Variants in TENM2 observed in about 807,000 individuals in gnomAD.
TENM2 encodes the protein teneurin-2.
Under a neutral mutation model 245.2 loss-of-function variants are expected in TENM2, and 52 were observed. That is an observed-to-expected ratio of 0.21 (90% CI 0.17 to 0.27). The LOEUF is 0.27. Ranked by LOEUF, TENM2 falls within the 10% of genes least tolerant of loss-of-function variation. The pLI, the probability that TENM2 is intolerant of heterozygous loss-of-function variation, is 1.00. For synonymous variants in TENM2, 1,363 were observed against 1,438.9 expected (o/e 0.95, Z 1.19); for missense variants, 3,046 against 3,666.8 (o/e 0.83, Z 4.37).
intron 23 of TENM2, among the ~76,000 whole-genome samples, chr5:168,225,568 T>A (rs536580947): frequency 2.0e-5 from 3 of 151,920 alleles, no homozygotes; most frequent in Non-Finnish European, 4.4e-5. Context: ...CGAGACCAGA[T>A]TGGCCAACAT....
intron 4 of TENM2, among the ~76,000 whole-genome samples, chr5:167,960,086 C>G (rs766046780): frequency 1.3e-5 from 2 of 152,210 alleles, no homozygotes; most frequent in African/African-American, 2.4e-5. Context: ...AGAGGGCTAC[C>G]CACCAGATGC....
intron 2 of TENM2, among the ~76,000 whole-genome samples, chr5:167,528,308 C>T (rs1157215569): frequency 6.6e-6 from 1 of 152,028 alleles, no homozygotes; most frequent in Non-Finnish European, 1.5e-5. Context: ...TAGGGATGTG[C>T]AATATTTGGC....
chr5:167,692,604 T>A (rs982782112), intron 2 of TENM2, among the ~76,000 whole-genome samples: 12 of 152,152 alleles, frequency 7.9e-5, no homozygotes, highest in East Asian at 5.8e-4. Flanking sequence ...TGCATGACTT[T>A]AAAAATATAT....
intron 2 of TENM2, among the ~76,000 whole-genome samples, chr5:167,553,073 A>T (rs559884019): frequency 2.0e-5 from 3 of 152,254 alleles, no homozygotes; most frequent in African/African-American, 7.2e-5. Flanking sequence ...TGATAGACAG[A>T]CATGGTTCTA....
At chr5:167,815,232 C>G (rs1177967668) in intron 2 of TENM2, among the ~76,000 whole-genome samples, 2 of 152,096 alleles carry the variant, frequency 1.3e-5, no homozygotes, top group African/African-American at 4.8e-5. Context: ...ATGTGCCTTT[C>G]AGAGAAGGAT....
intron 1 of TENM2, among the ~76,000 whole-genome samples, chr5:167,302,065 G>T (rs1343953295): frequency 2.6e-5 from 4 of 152,126 alleles, no homozygotes; most frequent in African/African-American, 9.7e-5. Context: ...AAAGAAGGAA[G>T]ATTTGGGACA....
At chr5:167,102,874 G>T in the TENM2 span, among the ~76,000 whole-genome samples, 1 of 152,166 alleles carries the variant, frequency 6.6e-6, no homozygotes, top group Non-Finnish European at 1.5e-5. Context: ...TGGCCAGGCT[G>T]GCCTCAAACT....
chr5:167,850,207 G>A (rs1405398192), intron 2 of TENM2, among the ~76,000 whole-genome samples: 1 of 152,136 alleles, frequency 6.6e-6, no homozygotes, highest in East Asian at 1.9e-4. Flanking sequence ...AGGATTTTAG[G>A]AATTGTATGC....
At chr5:167,825,733 T>C (rs1291495645) in intron 2 of TENM2, among the ~76,000 whole-genome samples, 2 of 152,064 alleles carry the variant, frequency 1.3e-5, no homozygotes, top group African/African-American at 2.4e-5. Flanking sequence ...CTGGCTGCCT[T>C]AGTGGCTTTG....
intron 1 of TENM2, among the ~76,000 whole-genome samples, chr5:167,336,382 C>A (rs1757755569): frequency 6.6e-6 from 1 of 151,096 alleles, no homozygotes; most frequent in South Asian, 2.1e-4. Context: ...AAAAAGGCAT[C>A]TCTGGTTCCT....
At chr5:167,147,627 A>G in the TENM2 span, among the ~76,000 whole-genome samples, 1 of 152,190 alleles carries the variant, frequency 6.6e-6, no homozygotes, top group Admixed American at 6.5e-5. Context: ...TGTTTATTAT[A>G]TATACATTGT....
chr5:167,270,447 A>C, the TENM2 span, among the ~76,000 whole-genome samples: 1 of 152,138 alleles, frequency 6.6e-6, no homozygotes, highest in Non-Finnish European at 1.5e-5. Flanking sequence ...AATGCCTTCA[A>C]GGTAGGTATA....
intron 2 of TENM2, among the ~76,000 whole-genome samples, chr5:167,836,198 A>G (rs536500496): frequency 2.2e-4 from 33 of 152,334 alleles, no homozygotes; most frequent in Non-Finnish European, 3.4e-4. Context: ...CTCCAGCCTA[A>G]CTGAGAACCA....
At chr5:167,682,103 TC>T (rs1756758425) in intron 2 of TENM2, among the ~76,000 whole-genome samples, 1 of 68,972 alleles carries the variant, frequency 1.4e-5, no homozygotes, top group South Asian at 5.7e-4. Flanking sequence ...CATCCCTCCC[TC>T]CCTCCCTCCC....
chr5:167,822,749 C>T (rs1165385093), intron 2 of TENM2, among the ~76,000 whole-genome samples: 1 of 152,002 alleles, frequency 6.6e-6, no homozygotes, highest in Non-Finnish European at 1.5e-5. Flanking sequence ...AAAACAACAA[C>T]ACATTAGGCA....
chr5:168,095,814 A>C (rs1036046426), intron 8 of TENM2, among the ~76,000 whole-genome samples: 1 of 152,188 alleles, frequency 6.6e-6, no homozygotes, highest in Non-Finnish European at 1.5e-5. Context: ...CATGGATGCC[A>C]TCAGAAGACA....
chr5:167,016,277 CAAACAA>C, the TENM2 span, among the ~76,000 whole-genome samples: 40 of 82,210 alleles, frequency 4.9e-4, no homozygotes, highest in South Asian at 0.017. Flanking sequence ...AACAAACAAA[CAAACAA>C]AAAAAAAAAA....
chr5:167,168,022 A>G, the TENM2 span, among the ~76,000 whole-genome samples: 1 of 152,162 alleles, frequency 6.6e-6, no homozygotes, highest in Non-Finnish European at 1.5e-5. Flanking sequence ...TTGGGTATTT[A>G]CTCATCAGAC....
intron 13 of TENM2, among the ~76,000 whole-genome samples, chr5:168,190,012 G>A (rs760253086): frequency 6.6e-5 from 10 of 152,230 alleles, no homozygotes; most frequent in Non-Finnish European, 1.3e-4. Flanking sequence ...CGAAGTTTTT[G>A]TTTTTATTTT....
Sources: gnomAD v4.1 joint callset for allele counts (sites outside exome capture counted in the v4.1 genomes callset) on GRCh38, gnomAD v4.1.1 for gene constraint, MANE v1.5 for transcripts, NCBI Gene and HGNC (gene_info 2026-07-23, HGNC 2026-07-21) for gene names.